Variants in TRIOBP observed in about 807,000 individuals in gnomAD.
TRIOBP encodes the protein TRIO and F-actin-binding protein.
Under a neutral mutation model 238.8 loss-of-function variants are expected in TRIOBP, and 169 were observed. That is an observed-to-expected ratio of 0.71 (90% confidence interval 0.62 to 0.80). The LOEUF (loss-of-function observed/expected upper bound fraction) is 0.80. Ranked by LOEUF, TRIOBP falls within the 30% of genes least tolerant of loss-of-function variation. The pLI is 0.00. For synonymous variants in TRIOBP, 1,150 were observed against 1,274.4 expected (o/e 0.90, Z 2.08); for missense variants, 2,838 against 3,122.6 (o/e 0.91, Z 2.17).
chr22:37,750,659 G>A, intron 11 of TRIOBP: 1 of 471,156 alleles, frequency 2.1e-6, no homozygotes, highest in South Asian at 1.5e-5. Context: ...GGGAGGGGCT[G>A]GGATGCCAAC....
chr22:37,708,794 G>C (rs879792929), intron 3 of TRIOBP, among the ~76,000 whole-genome samples: 1 of 152,218 alleles, frequency 6.6e-6, no homozygotes, highest in Non-Finnish European at 1.5e-5. Context: ...GATGGGGCCC[G>C]AGGTCCATCT....
chr22:37,711,031 G>A (rs929772308), intron 4 of TRIOBP, among the ~76,000 whole-genome samples: 14 of 152,156 alleles, frequency 9.2e-5, no homozygotes, highest in Admixed American at 7.9e-4. Flanking sequence ...TCCAGGCTCT[G>A]GGGTTCCTTC....
chr22:37,720,024 T>A, intron 6 of TRIOBP, among the ~76,000 whole-genome samples: 1 of 22,468 alleles, frequency 4.5e-5, no homozygotes, highest in African/African-American at 8.5e-5. Context: ...TTTTTTTTTT[T>A]TTGAGACAGA....
At chr22:37,713,145 T>A in intron 4 of TRIOBP, 65 bp from the exon 5 acceptor site, 1 of 1,450,560 alleles carries the variant, frequency 6.9e-7, no homozygotes, top group South Asian at 1.2e-5. Context: ...TGAGTGCATA[T>A]GCCTGGGTGG....
At chr22:37,770,205 G>A (rs1035568382) in intron 21 of TRIOBP, among the ~76,000 whole-genome samples, 1 of 149,362 alleles carries the variant, frequency 6.7e-6, no homozygotes, top group Non-Finnish European at 1.5e-5. Context: ...TTGGGAGGCC[G>A]AGGCGGGCAG....
intron 17 of TRIOBP, among the ~76,000 whole-genome samples, chr22:37,763,647 A>G (rs1377854596): frequency 6.6e-6 from 1 of 152,168 alleles, no homozygotes; most frequent in Non-Finnish European, 1.5e-5. Flanking sequence ...TTTCAAAAAT[A>G]ATTTAAACAA....
At chr22:37,757,506 C>A in intron 15 of TRIOBP, 107 bp from the exon 16 acceptor site, 1 of 1,463,140 alleles carries the variant, frequency 6.8e-7, no homozygotes, top group Non-Finnish European at 9.2e-7. Context: ...TGGGGTCTGT[C>A]TCCAGCCCCT....
intron 3 of TRIOBP, among the ~76,000 whole-genome samples, chr22:37,702,376 G>A (rs911914257): frequency 6.6e-6 from 1 of 151,624 alleles, no homozygotes; most frequent in Non-Finnish European, 1.5e-5. Context: ...GCTAATTTTT[G>A]TATTTTTAGT....
rs1230968961 is a variant in TRIOBP, at chr22:37,726,236, C to T, written c.3680C>T (p.Ser1227Phe). ...CIGHRDAPRA[S>F]SPPRHPPSDL... is the part of the protein sequence containing the mutation. The stretch of plus-strand genomic sequence containing the variant: ...GGGCACCGGGATGCACCCCGAGCCT[C>T]CTCCCCACCCCGCCACCCACCCAGT... The change falls in exon 7 of 24, where the codon TCC becomes TTC. Residue 1227 changes from serine (S) to phenylalanine (F), a missense_variant. Ser to Phe is a radical substitution (Grantham distance 155, BLOSUM62 -2). Around this residue, in one of 5 missense-constraint regions of TRIOBP, gnomAD observed 2,096 missense variants for 2,137.4 expected, o/e 0.98. Coordinates refer to ENST00000644935, the MANE Select transcript of TRIOBP (RefSeq NM_001039141.3). The T allele has an allele frequency of 1.2e-6, 2 of 1,610,332 alleles. No homozygotes were observed. The highest frequency in any genetic ancestry group is 3.3e-5 in the Admixed American group (2 of 59,714).
At chr22:37,722,892 C>T (rs1376247698) in intron 6 of TRIOBP, among the ~76,000 whole-genome samples, 1 of 152,374 alleles carries the variant, frequency 6.6e-6, no homozygotes, top group East Asian at 1.9e-4. Flanking sequence ...TGCTTCTTCT[C>T]TGTCTTGTCC....
chr22:37,699,152 A>AAAAAC (rs1291625137), intron 2 of TRIOBP, among the ~76,000 whole-genome samples: 2 of 152,194 alleles, frequency 1.3e-5, no homozygotes, highest in South Asian at 2.1e-4. Flanking sequence ...TTCGTCTCAA[A>AAAAAC]AAAACAAAAC....
Position 37,722,427 on chromosome 22 carries a change from C to CAA in TRIOBP, c.629-742_629-741dup, listed in dbSNP as rs35646436. Among the ~76,000 whole-genome samples the CAA allele has an allele frequency of 3.7e-3, 352 of 94,316 alleles. 7 individuals are homozygous for CAA. In the East Asian group the frequency reaches 0.054, roughly 14 times the overall value. The allele number at this position is 94,316 out of a possible 152,430, so 61.9% of individuals were successfully genotyped here. The stretch of plus-strand genomic sequence containing the variant: ...TGGGTGACAGAACGAGACTCTGTCT[C>CAA]AAAAAAAAAAAAAAAAAGGTCGGGC... On this transcript the variant is annotated intron_variant, in intron 6 of 23. Coordinates refer to ENST00000644935, the MANE Select transcript of TRIOBP (RefSeq NM_001039141.3).
At chr22:37,760,207 A>G (rs547562646) in intron 17 of TRIOBP, 3 of 152,374 alleles carry the variant, frequency 2.0e-5, no homozygotes, top group Admixed American at 1.3e-4. Flanking sequence ...TATTTTTGCA[A>G]TTTTTTGTTC....
At chr22:37,743,872 T>G (rs142467285) in intron 11 of TRIOBP, among the ~76,000 whole-genome samples, 1 of 538 alleles carries the variant, frequency 1.9e-3, no homozygotes, top group Non-Finnish European at 3.3e-3. Context: ...GTGTGCTGGG[T>G]GTGTGTGTGT....
intron 6 of TRIOBP, among the ~76,000 whole-genome samples, chr22:37,719,285 G>C (rs2145828208): frequency 6.6e-6 from 1 of 152,074 alleles, no homozygotes; most frequent in East Asian, 2.0e-4. Flanking sequence ...GAGAGGTTTA[G>C]GAGGCAGACT....
chr22:37,729,885 GGAGCTTAT>G (rs1924342769), intron 7 of TRIOBP, among the ~76,000 whole-genome samples: 1 of 152,188 alleles, frequency 6.6e-6, no homozygotes, highest in Admixed American at 6.5e-5. Flanking sequence ...GGGACAGACT[GGAGCTTAT>G]GAGCGGGTGG....
At chr22:37,719,506 A>G (rs895790662) in intron 6 of TRIOBP, among the ~76,000 whole-genome samples, 17 of 152,116 alleles carry the variant, frequency 1.1e-4, no homozygotes, top group African/African-American at 4.1e-4. Context: ...TCTTCAACTG[A>G]GGAGCAATGT....
chr22:37,761,148 GC>G (rs748377583), intron 17 of TRIOBP, among the ~76,000 whole-genome samples: 20 of 152,160 alleles, frequency 1.3e-4, no homozygotes, highest in Non-Finnish European at 2.4e-4. Context: ...CCAGTGCTGA[GC>G]TAATAGTTAG....
intron 12 of TRIOBP, among the ~76,000 whole-genome samples, chr22:37,752,890 G>A (rs938112417): frequency 1.3e-5 from 2 of 152,194 alleles, no homozygotes; most frequent in Non-Finnish European, 2.9e-5. Flanking sequence ...GACAGGAGAC[G>A]GGCCCATGAG....
Sources: allele counts gnomAD v4.1 joint callset (sites outside exome capture counted in the v4.1 genomes callset), GRCh38; gene constraint gnomAD v4.1.1; regional missense constraint gnomAD v4.1.1; transcripts MANE v1.5; gene names NCBI Gene and HGNC (gene_info 2026-07-23, HGNC 2026-07-21).